MSTO1: variants seen among roughly 807,000 people sequenced by gnomAD.
MSTO1 encodes misato mitochondrial distribution and morphology regulator 1.
In MSTO1, 24 loss-of-function variants were observed where a neutral mutation model predicts 55.7. The observed-to-expected ratio is 0.43, with a 90% CI of 0.31 to 0.61. MSTO1 has a LOEUF of 0.61. MSTO1 is among the 20% of genes least tolerant of loss of function. The probability of loss-of-function intolerance (pLI) is 0.09; values close to 1 mark genes in which losing one functional copy is unlikely to be tolerated. For synonymous variants in MSTO1, 162 were observed against 252.8 expected (o/e 0.64, Z 3.41); for missense variants, 363 against 625.7 (o/e 0.58, Z 4.48).
At chr1:155,610,176 G>C, upstream of MSTO1, 1 of 1,040,966 alleles carries the variant, frequency 9.6e-7, no homozygotes, top group South Asian at 1.5e-5. Context: ...CCGCCCACGC[G>C]CCTGCCAAGC....
At chr1:155,568,041 CA>C in the MSTO1 span, among the ~76,000 whole-genome samples, 42 of 139,988 alleles carry the variant, frequency 3.0e-4, no homozygotes, top group Admixed American at 8.0e-4. Context: ...CCTGTCTGAA[CA>C]AAAAAAAAAA....
chr1:155,610,104 C>G (rs1350910247), upstream of MSTO1: 19 of 771,030 alleles, frequency 2.5e-5, no homozygotes, highest in Middle Eastern at 7.6e-4. Flanking sequence ...AAGGGATCGG[C>G]GCATCGTTTC....
chr1:155,583,493 G>A, the MSTO1 span, among the ~76,000 whole-genome samples: 13 of 151,950 alleles, frequency 8.6e-5, no homozygotes, highest in Non-Finnish European at 1.9e-4. Flanking sequence ...AGCTATGATC[G>A]CCACTGCACT....
chr1:155,589,204 A>G, the MSTO1 span, among the ~76,000 whole-genome samples: 3 of 152,102 alleles, frequency 2.0e-5, no homozygotes, highest in Non-Finnish European at 4.4e-5. Context: ...AGGCTGAGGT[A>G]AGAGAATCGC....
At chr1:155,578,296 A>G in the MSTO1 span, among the ~76,000 whole-genome samples, 1 of 106,710 alleles carries the variant, frequency 9.4e-6, no homozygotes, top group South Asian at 3.4e-4. Flanking sequence ...GAAAGCATTT[A>G]TGGGGGAGGG....
the MSTO1 span, among the ~76,000 whole-genome samples, chr1:155,572,832 T>A: frequency 6.6e-6 from 1 of 151,938 alleles, no homozygotes. Context: ...GTATTTTTAG[T>A]AGAGATGGGG....
At chr1:155,609,238 TATA>T (rs1357306741), upstream of MSTO1, among the ~76,000 whole-genome samples, 1,864 of 66,734 alleles carry the variant, frequency 0.028, 154 homozygotes, top group African/African-American at 0.064. Context: ...TATATATATA[TATA>T]TATTTTTTTT....
chr1:155,577,934 G>A, the MSTO1 span, among the ~76,000 whole-genome samples: 2 of 152,066 alleles, frequency 1.3e-5, no homozygotes, highest in South Asian at 2.1e-4. Flanking sequence ...TCGTAGAGAC[G>A]GAGTTTCACC....
chr1:155,593,842 G>A, the MSTO1 span, among the ~76,000 whole-genome samples: 347 of 152,112 alleles, frequency 2.3e-3, 4 homozygotes, highest in South Asian at 0.02. Context: ...GGTGGCAGGC[G>A]CCTGTAGTCC....
At chr1:155,568,112 C>T in the MSTO1 span, among the ~76,000 whole-genome samples, 1 of 149,398 alleles carries the variant, frequency 6.7e-6, no homozygotes, top group African/African-American at 2.5e-5. Context: ...CGGAGTCTCA[C>T]TCTATTGCCC....
chr1:155,578,524 T>C, the MSTO1 span, among the ~76,000 whole-genome samples: 1 of 141,596 alleles, frequency 7.1e-6, no homozygotes, highest in Non-Finnish European at 1.5e-5. Context: ...TTTTTTTTTT[T>C]TTTTGAGACG....
the MSTO1 span, among the ~76,000 whole-genome samples, chr1:155,572,042 CAAAAA>C: frequency 1.3e-5 from 1 of 77,776 alleles, no homozygotes; most frequent in Admixed American, 1.4e-4. Flanking sequence ...ACTCTTGTCT[CAAAAA>C]AAAAAAAAAA....
chr1:155,591,188 G>A, the MSTO1 span: 25 of 1,612,538 alleles, frequency 1.6e-5, no homozygotes, highest in African/African-American at 9.3e-5. Context: ...TGGGCAGGAC[G>A]CAGGAGACCA....
upstream of MSTO1, among the ~76,000 whole-genome samples, chr1:155,609,473 C>T (rs1284715719): frequency 6.6e-6 from 1 of 151,480 alleles, no homozygotes; most frequent in Non-Finnish European, 1.5e-5. Flanking sequence ...TGGTCTCGAT[C>T]TCTTGACCTC....
At chr1:155,581,599 A>T in the MSTO1 span, among the ~76,000 whole-genome samples, 4 of 151,760 alleles carry the variant, frequency 2.6e-5, no homozygotes, top group Non-Finnish European at 1.5e-5. Flanking sequence ...TTTAGTAGAG[A>T]TGGGGTTTCG....
At chr1:155,567,139 T>G in the MSTO1 span, among the ~76,000 whole-genome samples, 1 of 151,862 alleles carries the variant, frequency 6.6e-6, no homozygotes, top group Non-Finnish European at 1.5e-5. Flanking sequence ...TTTTTTTTTT[T>G]TCCCCACAGA....
chr1:155,595,147 A>C, the MSTO1 span, among the ~76,000 whole-genome samples: 1 of 151,658 alleles, frequency 6.6e-6, no homozygotes, highest in Non-Finnish European at 1.5e-5. Context: ...AAAAAAAAAA[A>C]AAAAACGCTT....
chr1:155,613,986 C>G (rs936209959), intron 13 of MSTO1, 73 bp from the exon 14 acceptor site: 8 of 1,602,514 alleles, frequency 5.0e-6, no homozygotes, highest in South Asian at 2.2e-5. Context: ...GTTGGACTTC[C>G]TTATCAGTTT....
chr1:155,595,381 C>T, the MSTO1 span, among the ~76,000 whole-genome samples: 7 of 151,932 alleles, frequency 4.6e-5, no homozygotes, highest in East Asian at 9.7e-4. Context: ...AGTTTCACTG[C>T]GCTAGCCAGG....
Sources: allele counts gnomAD v4.1 joint callset (sites outside exome capture counted in the v4.1 genomes callset), GRCh38; gene constraint gnomAD v4.1.1; transcripts MANE v1.5; gene names NCBI Gene and HGNC (gene_info 2026-07-23, HGNC 2026-07-21).